Variants in ACOT8 observed in about 807,000 individuals in gnomAD.
The protein encoded by ACOT8 is acyl-coenzyme A thioesterase 8.
Under a neutral mutation model 38.4 loss-of-function variants are expected in ACOT8, and 31 were observed. The observed-to-expected ratio is 0.81, with a 90% confidence interval of 0.61 to 1.09. The LOEUF is 1.09. ACOT8 is among the 50% of genes least tolerant of loss of function. The pLI is 0.00. For missense variants in ACOT8, 373 were observed against 421.8 expected (o/e 0.88, Z 1.01); for synonymous variants, 158 against 170.3 (o/e 0.93, Z 0.56).
At position 45,843,165 on chromosome 20, in the gene ACOT8, T is replaced by C. The variant is rs187889303; in HGVS notation, c.841+362A>G. 5.2e-4 allele frequency: 322 copies of C among 614,736 alleles called. 4 individuals carry two copies. The East Asian group carries it at 0.019, about 36-fold the overall frequency. 38.1% of individuals were successfully genotyped at this position (614,736 alleles called of 1,614,324 possible). A position where few individuals can be genotyped will look rare whatever the true frequency, so the allele number is the denominator to read the frequency against. ...ATCCCCAAATGGCAGTCTGATGGACTGCGGGTTTGGATACCACTGCTGTAA... is the reference window on the plus strand; with the variant it reads ...ATCCCCAAATGGCAGTCTGATGGACCGCGGGTTTGGATACCACTGCTGTAA... On this transcript the variant is annotated intron_variant, in intron 5 of 5. Transcript: ENST00000217455.
At chr20:45,854,165 C>T (rs751808044) in intron 2 of ACOT8, among the ~76,000 whole-genome samples, 1 of 140,586 alleles carries the variant, frequency 7.1e-6, no homozygotes, top group Non-Finnish European at 1.6e-5. Flanking sequence ...TCCCAATGTG[C>T]GGGGATTATA....
rs773792632 is a variant in ACOT8, at chr20:45,843,661, A to G, written c.707T>C (p.Leu236Ser). 1.9e-6 allele frequency: 3 copies of G among 1,613,208 alleles called. No homozygotes were observed. The highest frequency in any genetic ancestry group is 2.5e-6 in the Non-Finnish European group (3 of 1,179,276). The change falls in exon 5 of 6, where the codon TTG (leucine) becomes TCG (serine). Residue 236 changes from leucine to serine, a missense_variant. By Grantham distance (145) the Leu-to-Ser change is moderately radical. Coordinates refer to ENST00000217455, the MANE Select transcript of ACOT8 (RefSeq NM_005469.4). Reference protein sequence around the residue: ...VAAYISDYAFLGTALLPHQWQ... With the variant: ...VAAYISDYAFSGTALLPHQWQ... Reference sequence around the variant, plus strand: ...CTGGTGAGGCAGCAGTGCAGTGCCCAAGAAGGCATAGTCGGAGATATAGGC... The same window carrying G: ...CTGGTGAGGCAGCAGTGCAGTGCCCGAGAAGGCATAGTCGGAGATATAGGC...
At chr20:45,843,229 G>A in intron 5 of ACOT8, 2 of 537,854 alleles carry the variant, frequency 3.7e-6, no homozygotes, top group South Asian at 3.4e-5. Context: ...CTGAGGTTCA[G>A]ATGGAAGATA....
At position 45,855,189 on chromosome 20, in the gene ACOT8, G is replaced by GCACC. The variant is rs1985332214; in HGVS notation, c.231_232insGGTG (p.His78GlyfsTer77). ...CGAACAAAGTAGCAGTGCAGGGAGTGCACGTGGACGTCTTCACTCACAGAC... is the reference window on the plus strand; with the variant it reads ...CGAACAAAGTAGCAGTGCAGGGAGTGCACCCACGTGGACGTCTTCACTCACAGAC... On this transcript the variant is annotated frameshift_variant, in exon 2 of 6. Transcript: ENST00000217455. LOFTEE classifies it high-confidence loss of function. 1 of 1,614,152 alleles carries GCACC rather than the reference G, an allele frequency of 6.2e-7. No homozygotes were observed. Among genetic ancestry groups the GCACC allele is most frequent in the East Asian group, 2.2e-5 (1 of 44,890 alleles).
intron 4 of ACOT8, 155 bp downstream of exon 4, chr20:45,844,108 C>T: frequency 9.2e-7 from 1 of 1,082,528 alleles, no homozygotes; most frequent in South Asian, 1.3e-5. Flanking sequence ...ATGCAAAGGG[C>T]TGAGAGGGCC....
At chr20:45,848,326 G>GT in intron 3 of ACOT8, 124 bp downstream of exon 3, 1 of 889,944 alleles carries the variant, frequency 1.1e-6, no homozygotes, top group Non-Finnish European at 1.7e-6. Context: ...ATTCACTCCA[G>GT]TATCTTCTTT....
At chr20:45,854,822 G>A (rs1218271208) in intron 2 of ACOT8, among the ~76,000 whole-genome samples, 1 of 150,782 alleles carries the variant, frequency 6.6e-6, no homozygotes, top group Non-Finnish European at 1.5e-5. Flanking sequence ...CTAGCACAGA[G>A]GTCACAGCAC....
intron 3 of ACOT8, 34 bp from the exon 4 acceptor site, chr20:45,844,454 C>A (rs752014095): frequency 6.2e-7 from 1 of 1,608,782 alleles, no homozygotes; most frequent in Non-Finnish European, 8.5e-7. Context: ...GGGGTGAGAC[C>A]CAGGAAGAGA....
intron 1 of ACOT8, among the ~76,000 whole-genome samples, chr20:45,856,059 T>C (rs1012439296): frequency 1.3e-4 from 20 of 151,978 alleles, no homozygotes; most frequent in Admixed American, 7.2e-4. Context: ...AGCCCATGAG[T>C]TCAAAACCAG....
chr20:45,857,140 A>C, intron 1 of ACOT8, 48 bp downstream of exon 1: 1 of 1,578,256 alleles, frequency 6.3e-7, no homozygotes, highest in Non-Finnish European at 8.6e-7. Context: ...AGTCAAGATC[A>C]AGTTTCTGCC....
chr20:45,843,489 A>T, intron 5 of ACOT8, 38 bp downstream of exon 5: 2 of 1,598,536 alleles, frequency 1.3e-6, no homozygotes. Flanking sequence ...CCTGCCACTC[A>T]AGGTCAGTGC....
intron 3 of ACOT8, among the ~76,000 whole-genome samples, chr20:45,845,007 C>A (rs1220931518): frequency 6.6e-6 from 1 of 152,204 alleles, no homozygotes; most frequent in Non-Finnish European, 1.5e-5. Context: ...GTCTCCAACT[C>A]CCAGGCTCAA....
chr20:45,857,266 C>T lies in ACOT8; in HGVS notation c.50G>A (p.Gly17Asp), dbSNP rs146280691. ...PEDGQGCGDRGDPPGDLRSVL... is the reference protein window; with the variant it reads ...PEDGQGCGDRDDPPGDLRSVL... ...GCTACGGAGGTCCCCAGGGGGATCG[C>T]CGCGGTCGCCACAGCCCTGCCCATC... is the stretch of plus-strand genomic sequence containing the variant. The change falls in exon 1 of 6, where the codon GGC (glycine) becomes GAC (aspartate). Residue 17 changes from glycine to aspartate, a missense_variant. Gly to Asp is a moderately conservative substitution (Grantham distance 94). Transcript: ENST00000217455. 1,087 of 1,613,098 alleles carry T rather than the reference C, an allele frequency of 6.7e-4. 9 individuals are homozygous for T. The African/African-American group carries it at 0.01, about 15-fold the overall frequency.
At position 45,854,431 on chromosome 20, in the gene ACOT8, C is replaced by T. The variant is rs1259109063; in HGVS notation, c.262+728G>A. 1.2e-4 allele frequency among the ~76,000 whole-genome samples: 18 copies of T among 152,072 alleles called. No individual in the cohort carries two copies. The East Asian group carries it at 2.3e-3, about 20-fold the overall frequency. ...TTCACCGTGTTAGCTAGGATGGTCCCGATCTCCTGACCTCGTGATCCGCCC... is the reference window on the plus strand; with the variant it reads ...TTCACCGTGTTAGCTAGGATGGTCCTGATCTCCTGACCTCGTGATCCGCCC... On this transcript the variant is annotated intron_variant, in intron 2 of 5. Coordinates refer to ENST00000217455, the MANE Select transcript of ACOT8 (RefSeq NM_005469.4).
chr20:45,848,393 C>T (rs1398952842), intron 3 of ACOT8, 57 bp downstream of exon 3: 6 of 1,457,200 alleles, frequency 4.1e-6, no homozygotes, highest in South Asian at 1.4e-5. Context: ...CTATGACCCA[C>T]AAACAGATAG....
In ACOT8 at chr20:45,855,749, T is replaced by C. The variant is rs1367806715; in HGVS notation, c.129-457A>G. Among the ~76,000 whole-genome samples, 12 of 151,784 alleles carry C rather than the reference T, an allele frequency of 7.9e-5. 1 individual carries two copies. ...GCCTGGGTGACAGAGCAAGACTCCA[T>C]CTCAAAAAATAAAATTAAATAAATG... is the stretch of plus-strand genomic sequence containing the variant. On this transcript the variant is annotated intron_variant, in intron 1 of 5. Coordinates refer to ENST00000217455, the MANE Select transcript of ACOT8 (RefSeq NM_005469.4).
At position 45,848,604 on chromosome 20, in the gene ACOT8, C is replaced by T. The variant is rs758110040; in HGVS notation, c.334G>A (p.Val112Met). 9 of 1,613,882 alleles carry T rather than the reference C, an allele frequency of 5.6e-6. No homozygotes were observed. The Admixed American group carries it at 1.2e-4, about 21-fold the overall frequency. ...GGCTTCCCATGTTGCACGGCCTTCA[C>T]AGAGCGCACCGAGAAGCTCGACCCT... ...RTGSSFSVRS[V>M]KAVQHGKPIF... The change falls in exon 3 of 6, where the codon GTG becomes ATG. Residue 112 changes from valine to methionine, a missense_variant. Coordinates refer to ENST00000217455, the MANE Select transcript of ACOT8 (RefSeq NM_005469.4).
chr20:45,847,033 C>G (rs551566252), intron 3 of ACOT8, among the ~76,000 whole-genome samples: 6 of 152,124 alleles, frequency 3.9e-5, no homozygotes, highest in Non-Finnish European at 7.4e-5. Flanking sequence ...CATAGCGAAA[C>G]CTGGTCTCTA....
intron 2 of ACOT8, among the ~76,000 whole-genome samples, chr20:45,852,077 G>A (rs949030963): frequency 6.6e-6 from 1 of 152,014 alleles, no homozygotes; most frequent in Non-Finnish European, 1.5e-5. Flanking sequence ...GCGACCTCCA[G>A]CCGCCGGGTT....
Sources: gnomAD v4.1 joint callset for allele counts (sites outside exome capture counted in the v4.1 genomes callset) on GRCh38, gnomAD v4.1.1 for gene constraint, MANE v1.5 for transcripts, NCBI Gene and HGNC (gene_info 2026-07-23, HGNC 2026-07-21) for gene names.